Variants in USP25 observed in about 807,000 individuals in gnomAD.
USP25 encodes ubiquitin specific peptidase 25.
USP25 carries 85 observed loss-of-function variants against 158.5 expected under a neutral mutation model. The ratio of observed to expected loss-of-function variants is 0.54; its 90% CI spans 0.45 to 0.64. The LOEUF is 0.64. Ranked by LOEUF, USP25 falls within the 30% of genes least tolerant of loss-of-function variation. USP25 has a pLI of 0.00. For synonymous variants in USP25, 464 were observed against 460.4 expected, an observed-to-expected ratio of 1.01 and a Z score of -0.10; for missense variants, 1,242 against 1,327.3, an observed-to-expected ratio of 0.94 and a Z score of 1.00.
Position 15,843,481 on chromosome 21 carries a change from A to C in USP25, c.2337+941A>C, listed in dbSNP as rs180905286. Among the ~76,000 whole-genome samples the C allele has an allele frequency of 5.8e-3, 876 of 152,314 alleles. 5 individuals carry two copies. Among genetic ancestry groups the C allele is most frequent in the Non-Finnish European group, 9.9e-3 (675 of 68,012 alleles). The stretch of plus-strand genomic sequence containing the variant: ...TGTTCAAGAGATATGGTACTCTGTT[A>C]ATTTTGTTTTGATGAACTAAATAAC... On this transcript the variant is annotated intron_variant, in intron 18 of 25. Transcript: ENST00000400183. This position sits in a 1 kb window ranked among gnomAD's most constrained non-coding sequence, Gnocchi z 4.0.
chr21:15,824,151 T>C lies in USP25; in HGVS notation c.1193T>C (p.Val398Ala). Reference protein sequence around the residue: ...KIHNKLEFPQVLYLDRYMHRN... With the variant: ...KIHNKLEFPQALYLDRYMHRN... ...CACAACAAATTAGAATTTCCCCAAG[T>C]TTTATATTTGGACAGGTATGGTTTG... Residue 398 changes from valine (V) to alanine (A), a missense_variant, in exon 11 of 26, where the codon GTT (valine) becomes GCT (alanine). Transcript: ENST00000400183. 6.2e-7 allele frequency: 1 copy of C among 1,612,808 alleles called. No individual in the cohort carries two copies. The highest frequency in any genetic ancestry group is 8.5e-7 in the Non-Finnish European group (1 of 1,179,770).
intron 1 of USP25, among the ~76,000 whole-genome samples, chr21:15,746,255 G>A (rs1453294014): frequency 6.6e-6 from 1 of 152,118 alleles, no homozygotes; most frequent in African/African-American, 2.4e-5. Flanking sequence ...GGATTGTGTT[G>A]GATGTATGGA....
chr21:15,844,069 T>G (rs2038464717), intron 18 of USP25, among the ~76,000 whole-genome samples: 1 of 152,152 alleles, frequency 6.6e-6, no homozygotes, highest in Admixed American at 6.5e-5. Context: ...ACAGGGAGAC[T>G]ATATGATATA....
At chr21:15,832,639 A>T (rs764805036) in intron 16 of USP25, among the ~76,000 whole-genome samples, 10 of 152,184 alleles carry the variant, frequency 6.6e-5, no homozygotes, top group African/African-American at 9.7e-5. Flanking sequence ...ACATTTTGTG[A>T]AAAGTTTTAC....
chr21:15,845,431 G>A (rs1210226739), intron 18 of USP25, among the ~76,000 whole-genome samples: 1 of 151,960 alleles, frequency 6.6e-6, no homozygotes, highest in Non-Finnish European at 1.5e-5. Context: ...AATTTTTATG[G>A]TACTTTGGGA....
intron 20 of USP25, among the ~76,000 whole-genome samples, chr21:15,857,629 A>T (rs2039218912): frequency 6.6e-6 from 1 of 152,056 alleles, no homozygotes; most frequent in Non-Finnish European, 1.5e-5. Flanking sequence ...CTTCTAAGAC[A>T]ATTGATTCAT....
intron 1 of USP25, among the ~76,000 whole-genome samples, chr21:15,750,938 T>C (rs549478301): frequency 2.4e-4 from 36 of 152,224 alleles, no homozygotes; most frequent in African/African-American, 8.7e-4. Flanking sequence ...CTTAAAACTG[T>C]AGAATTATAT....
chr21:15,831,310 T>G, intron 15 of USP25, 91 bp from the exon 16 acceptor site: 2 of 1,249,484 alleles, frequency 1.6e-6, no homozygotes, highest in African/African-American at 1.5e-5. Flanking sequence ...TCTTATGGTT[T>G]TCTCCAAACA....
intron 4 of USP25, among the ~76,000 whole-genome samples, chr21:15,786,398 G>T (rs1026382629): frequency 2.0e-5 from 3 of 152,078 alleles, no homozygotes; most frequent in Non-Finnish European, 4.4e-5. Context: ...ATTCTAGCAC[G>T]TCCGATTCAA....
chr21:15,748,817 G>C (rs375799455), intron 1 of USP25, among the ~76,000 whole-genome samples: 2 of 152,114 alleles, frequency 1.3e-5, no homozygotes, highest in Admixed American at 1.3e-4. Context: ...TTTGGCATTT[G>C]TGGCTTCAAC....
chr21:15,730,475 C>G, intron 1 of USP25, 37 bp downstream of exon 1: 3 of 1,327,560 alleles, frequency 2.3e-6, no homozygotes, highest in South Asian at 4.0e-5. Context: ...CCCCACTTCT[C>G]CTTCCGACGG....
intron 4 of USP25, among the ~76,000 whole-genome samples, chr21:15,786,122 CACA>C (rs1018823586): frequency 7.9e-5 from 12 of 152,078 alleles, no homozygotes; most frequent in African/African-American, 2.9e-4. Flanking sequence ...ATAAGCAGAC[CACA>C]ACGAGTGGGA....
intron 3 of USP25, among the ~76,000 whole-genome samples, chr21:15,769,229 ATAGT>A (rs942556548): frequency 3.3e-5 from 5 of 152,076 alleles, no homozygotes; most frequent in African/African-American, 7.2e-5. Flanking sequence ...TATATTTTCA[ATAGT>A]TAGTAGGACA....
intron 3 of USP25, among the ~76,000 whole-genome samples, chr21:15,767,792 TG>T (rs1269577126): frequency 1.3e-5 from 2 of 152,002 alleles, no homozygotes; most frequent in Non-Finnish European, 2.9e-5. Flanking sequence ...TTAATATAGA[TG>T]GTATACTTGG....
Position 15,834,436 on chromosome 21 carries a change from C to CT in USP25, c.2194+899dup, listed in dbSNP as rs778353072. ...ACTGCTAGTGGATATTATTGAATAA[C>CT]TTTTTTTTTTTGCAAGATCTGCATG... is the stretch of plus-strand genomic sequence containing the variant. On this transcript the variant is annotated intron_variant, in intron 17 of 25. Coordinates refer to ENST00000400183, the MANE Select transcript of USP25 (RefSeq NM_001283041.3). 5.1e-3 allele frequency among the ~76,000 whole-genome samples: 748 copies of CT among 147,080 alleles called. 5 individuals are homozygous for CT. The highest frequency in any genetic ancestry group is 0.021 in the Middle Eastern group (6 of 280).
chr21:15,788,532 T>G (rs940353399), intron 4 of USP25, among the ~76,000 whole-genome samples: 13 of 152,120 alleles, frequency 8.5e-5, no homozygotes, highest in African/African-American at 3.1e-4. Context: ...AGACACTGAT[T>G]GGAGACACTG....
At chr21:15,796,478 A>G (rs141019669) in intron 5 of USP25, among the ~76,000 whole-genome samples, 3 of 151,574 alleles carry the variant, frequency 2.0e-5, no homozygotes, top group South Asian at 2.1e-4. Context: ...TCCTTTAGGC[A>G]TCTCCAGAAC....
rs2037483249 is a variant in USP25, at chr21:15,826,014, C to G, written c.1305-190C>G. 6.6e-6 allele frequency among the ~76,000 whole-genome samples: 1 copy of G among 152,076 alleles called. No individual in the cohort carries two copies. Among genetic ancestry groups the G allele is most frequent in the African/African-American group, 2.4e-5 (1 of 41,414 alleles). ...ATTCAGTCCCAATCGGCCTTGGTTT[C>G]CTGTCTTTGGGGAACTTTTAATGTT... is the stretch of plus-strand genomic sequence containing the variant. On this transcript the variant is annotated intron_variant, in intron 12 of 25. Transcript: ENST00000400183. The surrounding 1 kb of genome is among the most constrained non-coding windows in gnomAD (Gnocchi z 4.8).
intron 10 of USP25, among the ~76,000 whole-genome samples, chr21:15,819,050 A>G (rs769671686): frequency 9.9e-5 from 15 of 152,220 alleles, no homozygotes; most frequent in Non-Finnish European, 1.9e-4. Context: ...TTCTCACTTA[A>G]ATAATTTATC....
Sources: gnomAD v4.1 joint callset for allele counts (sites outside exome capture counted in the v4.1 genomes callset) on GRCh38, gnomAD v4.1.1 for gene constraint, Gnocchi (gnomAD v3.1) non-coding constraint, MANE v1.5 for transcripts, NCBI Gene and HGNC (gene_info 2026-07-23, HGNC 2026-07-21) for gene names.